NLRP4: variants seen among roughly 807,000 people sequenced by gnomAD.
The protein encoded by NLRP4 is NACHT, LRR and PYD domains-containing protein 4.
Under a neutral mutation model 84.7 loss-of-function variants are expected in NLRP4, and 44 were observed. That is an observed-to-expected ratio of 0.52 (90% CI 0.41 to 0.67). The LOEUF is 0.67. Ranked by LOEUF, NLRP4 falls within the 30% of genes least tolerant of loss-of-function variation. NLRP4 has a pLI of 0.00. For synonymous variants in NLRP4, 544 were observed against 476.4 expected (o/e 1.14, Z -1.85); for missense variants, 1,260 against 1,219.4 (o/e 1.03, Z -0.50).
At chr19:55,879,892 T>C (rs1019202819) in intron 9 of NLRP4, among the ~76,000 whole-genome samples, 11 of 150,324 alleles carry the variant, frequency 7.3e-5, no homozygotes, top group Non-Finnish European at 1.2e-4. Context: ...ATACAAGTTA[T>C]ATGTATATTC....
At chr19:55,870,682 A>C in intron 6 of NLRP4, 145 bp from the exon 7 acceptor site, 1 of 596,780 alleles carries the variant, frequency 1.7e-6, no homozygotes, top group South Asian at 2.2e-5. Context: ...AAATGAGAGG[A>C]GGTGTTTTCA....
chr19:55,880,137 C>G (rs1176517433), intron 9 of NLRP4, among the ~76,000 whole-genome samples: 2 of 151,584 alleles, frequency 1.3e-5, no homozygotes, highest in Non-Finnish European at 2.9e-5. Context: ...TGGGTTAAAA[C>G]TGTTATAACT....
At chr19:55,865,142 C>G (rs190480860) in intron 5 of NLRP4, among the ~76,000 whole-genome samples, 361 of 152,212 alleles carry the variant, frequency 2.4e-3, no homozygotes, top group Non-Finnish European at 4.1e-3. Context: ...TCTTCCCACC[C>G]TCTGCTCTCA....
intron 1 of NLRP4, among the ~76,000 whole-genome samples, chr19:55,848,653 C>G (rs956753763): frequency 6.6e-6 from 1 of 152,082 alleles, no homozygotes; most frequent in Non-Finnish European, 1.5e-5. Context: ...CCACCCACCT[C>G]GGCTTCCCAA....
chr19:55,852,378 G>A lies in NLRP4; in HGVS notation c.280+18G>A. On this transcript the variant is annotated intron_variant, in intron 2 of 9. Transcript: ENST00000301295. ...GAGAACAGGTGAGGGAGTCTGGGAA[G>A]GGGGAAGCCTTCTTATAATGAGGAC... 1 of 1,552,346 alleles carries A rather than the reference G, an allele frequency of 6.4e-7. No individual in the cohort carries two copies. Among genetic ancestry groups the A allele is most frequent in the South Asian group, 1.2e-5 (1 of 81,634 alleles).
chr19:55,872,782 G>T (rs993283648), intron 7 of NLRP4, among the ~76,000 whole-genome samples: 1 of 152,146 alleles, frequency 6.6e-6, no homozygotes, highest in Non-Finnish European at 1.5e-5. Context: ...AAATTTTTCT[G>T]TAACCAATGA....
chr19:55,869,513 T>G (rs898121939), intron 6 of NLRP4, among the ~76,000 whole-genome samples: 1 of 152,182 alleles, frequency 6.6e-6, no homozygotes, highest in African/African-American at 2.4e-5. Context: ...CAGGAAGCAG[T>G]TGCCCGTTCT....
rs543806359 is a variant in NLRP4, at chr19:55,839,381, GCTCT to G, written c.-66+2452_-66+2455del. Among the ~76,000 whole-genome samples the G allele has an allele frequency of 4.6e-3, 698 of 150,656 alleles. 7 individuals carry two copies. The highest frequency in any genetic ancestry group is 3.6e-3 in the Non-Finnish European group (246 of 67,774). On this transcript the variant is annotated intron_variant, in intron 1 of 9. Coordinates refer to ENST00000301295, the MANE Select transcript of NLRP4 (RefSeq NM_134444.5). ...CTCACACACACATACCCACACACAT[GCTCT>G]CTCTTAGATTCTGGAAAAATAATTT...
In NLRP4 at chr19:55,858,263, G is replaced by A; in HGVS notation, c.870G>A (p.Gln290=). Residue 290 remains glutamine (Q), a synonymous_variant, in exon 3 of 10, where the codon CAG becomes CAA. Coordinates refer to ENST00000301295, the MANE Select transcript of NLRP4 (RefSeq NM_134444.5). This position sits in a 1 kb window ranked among gnomAD's most constrained non-coding sequence, Gnocchi z 4.2. ...TGTGCCCGAAGGAGCTCCGGGATCA[G>A]GTGACGATCTCAGAAATCTACCAGC... ...KPVCPKELRD[Q]VTISEIYQPR... 17 of 1,614,180 alleles carry A rather than the reference G, an allele frequency of 1.1e-5. No individual in the cohort carries two copies. The highest frequency in any genetic ancestry group is 1.4e-5 in the Non-Finnish European group (16 of 1,180,034).
At chr19:55,871,090 G>A in intron 7 of NLRP4, 93 bp downstream of exon 7, 1 of 1,105,884 alleles carries the variant, frequency 9.0e-7, no homozygotes, top group South Asian at 1.4e-5. Context: ...GAAGGCTGTA[G>A]TGTCTGTGCC....
At chr19:55,861,312 T>C (rs1478530456) in intron 3 of NLRP4, 74 bp from the exon 4 acceptor site, 1 of 1,247,152 alleles carries the variant, frequency 8.0e-7, no homozygotes, top group East Asian at 2.4e-5. Context: ...GAAGACAGCG[T>C]AGTGCGTATA....
chr19:55,840,365 TG>T (rs1983564538), intron 1 of NLRP4, among the ~76,000 whole-genome samples: 2 of 150,788 alleles, frequency 1.3e-5, no homozygotes, highest in South Asian at 4.2e-4. Context: ...TGTGTGTGTG[TG>T]TGTGTGTGTG....
intron 1 of NLRP4, among the ~76,000 whole-genome samples, chr19:55,851,682 TGTAATGTCCGAGGCTGC>T (rs1984158192): frequency 1.3e-5 from 2 of 149,030 alleles, no homozygotes; most frequent in East Asian, 4.1e-4. Context: ...GAGGCTGCGG[TGTAATGTCCGAGGCTGC>T]GGTGTAATGT....
In NLRP4 at chr19:55,857,919, A is replaced by C; in HGVS notation, c.526A>C (p.Lys176Gln). Residue 176 changes from lysine (K) to glutamine (Q), a missense_variant, in exon 3 of 10, where the codon AAG becomes CAG. This residue lies in a region of NLRP4 where 712 missense variants were observed against 669.2 expected (regional missense o/e 1.06). Transcript: ENST00000301295. ...GCTGATGATGGCCTGGTCGGACAAC[A>C]AGATCTTTCGGGATAGGTTCCTGTA... is the stretch of plus-strand genomic sequence containing the variant. ...MKLMMAWSDN[K>Q]IFRDRFLYTF... is the part of the protein sequence containing the mutation. 6.2e-7 allele frequency: 1 copy of C among 1,614,224 alleles called. No homozygotes were observed. Among genetic ancestry groups the C allele is most frequent in the Non-Finnish European group, 8.5e-7 (1 of 1,180,040 alleles).
At position 55,878,929 on chromosome 19, in the gene NLRP4, C is replaced by T; in HGVS notation, c.2832C>T (p.Ala944=). Reference sequence around the variant, plus strand: ...CAGGGGTGGTTGTACTCTGTGAGGCCCTGAGACACCCAGAGTGTGCCCTGC... The same window carrying T: ...CAGGGGTGGTTGTACTCTGTGAGGCTCTGAGACACCCAGAGTGTGCCCTGC... ...DHTGVVVLCE[A]LRHPECALQV... Residue 944 remains alanine (A), a synonymous_variant, in exon 9 of 10, where the codon GCC becomes GCT. Transcript: ENST00000301295. 1 of 1,613,614 alleles carries T rather than the reference C, an allele frequency of 6.2e-7. No individual in the cohort carries two copies.
At chr19:55,850,478 C>T (rs571265193) in intron 1 of NLRP4, among the ~76,000 whole-genome samples, 19 of 65,216 alleles carry the variant, frequency 2.9e-4, no homozygotes, top group African/African-American at 3.8e-4. Context: ...TCCGAGGCTG[C>T]GGTGTAATTT....
Position 55,852,045 on chromosome 19 carries a change from G to A in NLRP4, c.-36G>A. 1.3e-6 allele frequency: 2 copies of A among 1,523,820 alleles called. No individual in the cohort carries two copies. Among genetic ancestry groups the A allele is most frequent in the Non-Finnish European group, 8.9e-7 (1 of 1,123,120 alleles). 94.4% of individuals were successfully genotyped at this position (1,523,820 alleles called of 1,614,324 possible). ...TATTTATTTATTGTTCCTGGTCACT[G>A]TCTCTTTGAGGATTGGTATCTCTGC... is the stretch of plus-strand genomic sequence containing the variant. On this transcript the variant is annotated 5_prime_UTR_variant, in exon 2 of 10. Transcript: ENST00000301295.
At chr19:55,839,892 C>G (rs943370044) in intron 1 of NLRP4, among the ~76,000 whole-genome samples, 1 of 152,196 alleles carries the variant, frequency 6.6e-6, no homozygotes, top group Non-Finnish European at 1.5e-5. Flanking sequence ...CTGTATTTCA[C>G]TCACTTCATA....
chr19:55,873,734 C>G (rs1033785267), intron 7 of NLRP4, among the ~76,000 whole-genome samples: 14 of 152,142 alleles, frequency 9.2e-5, no homozygotes, highest in African/African-American at 3.1e-4. Context: ...GAATTTAAGA[C>G]AAAGTATTAT....
Sources: allele counts gnomAD v4.1 joint callset (sites outside exome capture counted in the v4.1 genomes callset), GRCh38; gene constraint gnomAD v4.1.1; regional missense constraint gnomAD v4.1.1; non-coding constraint Gnocchi (gnomAD v3.1); transcripts MANE v1.5; gene names NCBI Gene and HGNC (gene_info 2026-07-23, HGNC 2026-07-21).